Variants in DDX50 observed in about 807,000 individuals in gnomAD.
DDX50 encodes the protein ATP-dependent RNA helicase DDX50.
A neutral mutation model predicts 94.8 loss-of-function variants in DDX50; 56 were observed. The ratio of observed to expected loss-of-function variants is 0.59; its 90% CI spans 0.48 to 0.74. The LOEUF is 0.74. DDX50 is among the 30% of genes least tolerant of loss of function. The pLI is 0.00. For synonymous variants in DDX50, 264 were observed against 295.4 expected (o/e 0.89, Z 1.09); for missense variants, 713 against 881.2 (o/e 0.81, Z 2.42).
Position 68,934,098 on chromosome 10 carries a change from A to T in DDX50, c.1240-101A>T, listed in dbSNP as rs1842341879. On this transcript the variant is annotated intron_variant, in intron 8 of 14. Coordinates refer to ENST00000373585, the MANE Select transcript of DDX50 (RefSeq NM_024045.2). This position sits in a 1 kb window ranked among gnomAD's most constrained non-coding sequence, Gnocchi z 4.0. The stretch of plus-strand genomic sequence containing the variant: ...CATGCATTGTTAAAATCATCAAAGT[A>T]AGATTTAAAAACATGCAAAAGGAGC... 8.4e-7 allele frequency: 1 copy of T among 1,187,308 alleles called. No homozygotes were observed. Among genetic ancestry groups the T allele is most frequent in the African/African-American group, 1.6e-5 (1 of 63,366 alleles). The allele number at this position is 1,187,308 out of a possible 1,614,324, so 73.5% of individuals were successfully genotyped here. A position where few individuals can be genotyped will look rare whatever the true frequency, so the allele number is the denominator to read the frequency against.
chr10:68,930,665 T>G (rs892177989), intron 8 of DDX50, among the ~76,000 whole-genome samples: 13 of 152,124 alleles, frequency 8.5e-5, no homozygotes, highest in Admixed American at 2.0e-4. Context: ...TTGTTTTTTT[T>G]GGGGGTGGGG....
chr10:68,908,122 G>A (rs7901402), intron 2 of DDX50, among the ~76,000 whole-genome samples: 132,005 of 152,220 alleles, frequency 0.87, 57,340 homozygotes, highest in East Asian at 0.99. Context: ...CCCAAAGGGT[G>A]TACAATAGAA....
At chr10:68,933,760 C>A (rs1302145540) in intron 8 of DDX50, among the ~76,000 whole-genome samples, 4 of 119,316 alleles carry the variant, frequency 3.4e-5, no homozygotes, top group Admixed American at 2.9e-4. Context: ...CATGGTGAAA[C>A]CCTGTTTCTA....
chr10:68,935,925 T>G, intron 10 of DDX50, 81 bp from the exon 11 acceptor site: 1 of 917,596 alleles, frequency 1.1e-6, no homozygotes, highest in African/African-American at 1.7e-5. Context: ...AAATAGAAAT[T>G]CAACGAACTA....
intron 8 of DDX50, among the ~76,000 whole-genome samples, chr10:68,925,963 G>C (rs1163099588): frequency 6.8e-6 from 1 of 147,970 alleles, no homozygotes; most frequent in Admixed American, 6.8e-5. Context: ...GCAGTGAGCC[G>C]AGATCGCGCC....
At chr10:68,946,316 T>C in intron 14 of DDX50, 36 bp from the exon 15 acceptor site, 7 of 1,559,262 alleles carry the variant, frequency 4.5e-6, no homozygotes, top group Non-Finnish European at 6.1e-6. Context: ...GGTTTCTATT[T>C]TGCATTTATA....
intron 1 of DDX50, among the ~76,000 whole-genome samples, chr10:68,903,846 C>T (rs537641142): frequency 2.0e-5 from 3 of 150,328 alleles, no homozygotes; most frequent in African/African-American, 4.9e-5. Flanking sequence ...TGTGGTGGCG[C>T]GTGCCTGTAA....
At chr10:68,937,414 T>C (rs1348087153) in intron 12 of DDX50, among the ~76,000 whole-genome samples, 3 of 151,916 alleles carry the variant, frequency 2.0e-5, no homozygotes, top group African/African-American at 7.3e-5. Context: ...AAAAATGACA[T>C]GTAATAATTG....
At chr10:68,933,215 C>A (rs1290573389) in intron 8 of DDX50, among the ~76,000 whole-genome samples, 1 of 152,062 alleles carries the variant, frequency 6.6e-6, no homozygotes, top group Non-Finnish European at 1.5e-5. Flanking sequence ...ATTACAGGTG[C>A]CTGTCACTGC....
At chr10:68,920,796 A>C (rs1841918703) in intron 8 of DDX50, among the ~76,000 whole-genome samples, 1 of 151,710 alleles carries the variant, frequency 6.6e-6, no homozygotes, top group African/African-American at 2.4e-5. Context: ...AAATATAAAA[A>C]TTAGCCGGTG....
intron 8 of DDX50, among the ~76,000 whole-genome samples, chr10:68,929,796 G>A (rs1294747850): frequency 1.4e-5 from 2 of 145,138 alleles, no homozygotes; most frequent in Non-Finnish European, 3.0e-5. Context: ...GTGCGATGTC[G>A]ACTCACTGAA....
At chr10:68,918,100 T>G (rs1337421177) in intron 7 of DDX50, among the ~76,000 whole-genome samples, 2 of 151,982 alleles carry the variant, frequency 1.3e-5, no homozygotes, top group Non-Finnish European at 2.9e-5. Context: ...AATTTTTGTA[T>G]TTTTAGTAGA....
In DDX50 at chr10:68,943,188, A is replaced by ATGTTTTGCTT. The variant is rs766448317; in HGVS notation, c.1891-13_1891-4dup. 3.7e-6 allele frequency: 6 copies of ATGTTTTGCTT among 1,602,370 alleles called. No individual in the cohort carries two copies. In the Admixed American group the frequency reaches 1.0e-4, roughly 28 times the overall value. On this transcript the variant is annotated intron_variant, in intron 13 of 14. Transcript: ENST00000373585. ...TCTACACATATGCATCTAATTTAAAATGTTTTGCTTTGTTTTGCTTTTAGG... is the reference window on the plus strand; with the variant it reads ...TCTACACATATGCATCTAATTTAAAATGTTTTGCTTTGTTTTGCTTTGTTTTGCTTTTAGG...
Position 68,937,090 on chromosome 10 carries a change from G to A in DDX50, c.1750G>A (p.Asp584Asn), listed in dbSNP as rs1842440843. Reference sequence around the variant, plus strand: ...TGAACCACGATCTTTGATCACCTCTGATAAGGTAGAAATCTGTGAGAAAAT... The same window carrying A: ...TGAACCACGATCTTTGATCACCTCTAATAAGGTAGAAATCTGTGAGAAAAT... ...SFEPRSLITSDKGFVTMTLES... is the reference protein window; with the variant it reads ...SFEPRSLITSNKGFVTMTLES... Residue 584 changes from aspartate (D) to asparagine (N), a missense_variant, in exon 12 of 15, where the codon GAT becomes AAT. By Grantham distance (23) the Asp-to-Asn change is conservative. Transcript: ENST00000373585. 6.2e-7 allele frequency: 1 copy of A among 1,602,898 alleles called. No homozygotes were observed. Among genetic ancestry groups the A allele is most frequent in the African/African-American group, 1.3e-5 (1 of 74,626 alleles).
At position 68,917,134 on chromosome 10, in the gene DDX50, C is replaced by CT. The variant is rs112172919; in HGVS notation, c.1090-2689dup. On this transcript the variant is annotated intron_variant, in intron 7 of 14. Transcript: ENST00000373585. ...TTAAACATTTTATAATCTATAGTTC[C>CT]TTTTTTTTTCTTTGCAATTTTCTGT... is the stretch of plus-strand genomic sequence containing the variant. Among the ~76,000 whole-genome samples the CT allele has an allele frequency of 9.7e-4, 146 of 151,206 alleles. 1 individual carries two copies. Among genetic ancestry groups the CT allele is most frequent in the African/African-American group, 3.3e-3 (136 of 41,182 alleles).
At chr10:68,913,355 A>G (rs1185534564) in intron 5 of DDX50, 36 bp from the exon 6 acceptor site, 1 of 1,603,740 alleles carries the variant, frequency 6.2e-7, no homozygotes, top group Non-Finnish European at 8.5e-7. Flanking sequence ...GAAAGTTTGA[A>G]TTTTACATAT....
rs1554836673 is a variant in DDX50, at chr10:68,931,392, A to ATATAT, written c.1240-2807_1240-2806insTATAT. Among the ~76,000 whole-genome samples the ATATAT allele has an allele frequency of 3.8e-3, 322 of 85,718 alleles. 2 individuals carry two copies. Among genetic ancestry groups the ATATAT allele is most frequent in the Middle Eastern group, 0.023 (4 of 172 alleles). 56.2% of individuals were successfully genotyped at this position (85,718 alleles called of 152,430 possible). ...TGGGTGACGGATCATTAAAAAAAAAAATATATATATATATATATGTATATA... is the reference window on the plus strand; with the variant it reads ...TGGGTGACGGATCATTAAAAAAAAAATATATATATATATATATATATATGTATATA... On this transcript the variant is annotated intron_variant, in intron 8 of 14. Coordinates refer to ENST00000373585, the MANE Select transcript of DDX50 (RefSeq NM_024045.2).
chr10:68,913,950 C>T, intron 6 of DDX50, 109 bp from the exon 7 acceptor site: 2 of 1,122,854 alleles, frequency 1.8e-6, no homozygotes, highest in Non-Finnish European at 2.4e-6. Context: ...AAAAATTCAC[C>T]CCAAGTTTTA....
intron 8 of DDX50, among the ~76,000 whole-genome samples, chr10:68,920,369 C>T (rs958533637): frequency 6.6e-6 from 1 of 152,068 alleles, no homozygotes; most frequent in Non-Finnish European, 1.5e-5. Flanking sequence ...CACCATGTAG[C>T]CCAGGCTGGT....
Sources: allele counts gnomAD v4.1 joint callset (sites outside exome capture counted in the v4.1 genomes callset), GRCh38; gene constraint gnomAD v4.1.1; non-coding constraint Gnocchi (gnomAD v3.1); transcripts MANE v1.5; gene names NCBI Gene and HGNC (gene_info 2026-07-23, HGNC 2026-07-21).